CDH13: variants seen among roughly 807,000 people sequenced by gnomAD.
The protein encoded by CDH13 is cadherin-13.
Under a neutral mutation model 63.8 loss-of-function variants are expected in CDH13, and 24 were observed. The observed-to-expected ratio is 0.38, with a 90% CI of 0.27 to 0.53. The LOEUF (loss-of-function observed/expected upper bound fraction) is 0.53. CDH13 is among the 20% of genes least tolerant of loss of function. The probability of loss-of-function intolerance (pLI) is 0.85; values close to 1 mark genes in which losing one functional copy is unlikely to be tolerated. For missense variants in CDH13, 1,049 were observed against 903.1 expected, an observed-to-expected ratio of 1.16 and a Z score of -2.07; for synonymous variants, 503 against 355.3, an observed-to-expected ratio of 1.42 and a Z score of -4.67.
At chr16:83,720,589 A>G (rs934128609) in intron 10 of CDH13, among the ~76,000 whole-genome samples, 1 of 152,174 alleles carries the variant, frequency 6.6e-6, no homozygotes, top group African/African-American at 2.4e-5. Flanking sequence ...TCTTTAAAAA[A>G]AAAAGACACA....
At chr16:83,293,453 G>A (rs753140200) in intron 5 of CDH13, among the ~76,000 whole-genome samples, 5 of 152,064 alleles carry the variant, frequency 3.3e-5, no homozygotes, top group Admixed American at 6.6e-5. Context: ...TCTGGGAAAG[G>A]TCAATTGTTT....
intron 6 of CDH13, among the ~76,000 whole-genome samples, chr16:83,414,228 G>T (rs1053487996): frequency 1.3e-5 from 2 of 152,090 alleles, no homozygotes; most frequent in Non-Finnish European, 2.9e-5. Flanking sequence ...TTTTCTTGAG[G>T]ATCTTTTTGT....
At chr16:83,222,998 C>T (rs942630487) in intron 5 of CDH13, among the ~76,000 whole-genome samples, 1 of 152,122 alleles carries the variant, frequency 6.6e-6, no homozygotes, top group African/African-American at 2.4e-5. Flanking sequence ...CACCACCCCC[C>T]ACCCACACAC....
At chr16:83,169,508 A>G (rs1306351683) in intron 4 of CDH13, among the ~76,000 whole-genome samples, 1 of 151,944 alleles carries the variant, frequency 6.6e-6, no homozygotes, top group African/African-American at 2.4e-5. Flanking sequence ...GATTGATGAA[A>G]ATGATAAGGT....
intron 7 of CDH13, among the ~76,000 whole-genome samples, chr16:83,538,239 C>G (rs1274662760): frequency 3.3e-5 from 5 of 152,156 alleles, no homozygotes; most frequent in African/African-American, 4.8e-5. Flanking sequence ...GGATTGTGCA[C>G]AAATACATTT....
chr16:83,237,434 C>G (rs974862543), intron 5 of CDH13, among the ~76,000 whole-genome samples: 2 of 152,248 alleles, frequency 1.3e-5, no homozygotes, highest in Non-Finnish European at 2.9e-5. Flanking sequence ...ATAGACCTCT[C>G]TGCAATGATA....
chr16:83,051,188 C>G (rs949230422), intron 3 of CDH13, among the ~76,000 whole-genome samples: 2 of 152,194 alleles, frequency 1.3e-5, no homozygotes, highest in South Asian at 4.1e-4. Flanking sequence ...TGAGCCACAA[C>G]GAAATGAGTC....
intron 6 of CDH13, among the ~76,000 whole-genome samples, chr16:83,388,255 TG>T (rs1252832399): frequency 2.1e-5 from 3 of 146,174 alleles, no homozygotes; most frequent in African/African-American, 7.7e-5. Context: ...GAGACCAGCC[TG>T]GGCAACATGG....
rs544229711 is a variant in CDH13, at chr16:82,736,795, C to T, written c.45+109658C>T. 6.6e-5 allele frequency among the ~76,000 whole-genome samples: 10 copies of T among 152,306 alleles called. No homozygotes were observed. In the South Asian group the frequency reaches 8.3e-4, roughly 13 times the overall value. On this transcript the variant is annotated intron_variant, in intron 1 of 13. Coordinates refer to ENST00000567109, the MANE Select transcript of CDH13 (RefSeq NM_001257.5). ...TCCTTCGGGCAATTTGATCTGCTATCTTTTCCCACCACTTTAAGAGAAGGA... is the reference window on the plus strand; with the variant it reads ...TCCTTCGGGCAATTTGATCTGCTATTTTTTCCCACCACTTTAAGAGAAGGA...
At chr16:83,580,476 C>G (rs1245646633) in intron 7 of CDH13, among the ~76,000 whole-genome samples, 2 of 109,612 alleles carry the variant, frequency 1.8e-5, no homozygotes, top group Admixed American at 1.8e-4. Context: ...CTCTCTCTCT[C>G]TCTCTCTCTC....
intron 1 of CDH13, among the ~76,000 whole-genome samples, chr16:82,677,241 CCTTTGT>C (rs1914033673): frequency 1.3e-5 from 2 of 152,294 alleles, no homozygotes; most frequent in East Asian, 3.9e-4. Context: ...ACTCATTCAT[CCTTTGT>C]ATTTCAGGTC....
chr16:83,395,616 C>T (rs764491148), intron 6 of CDH13, among the ~76,000 whole-genome samples: 11 of 152,216 alleles, frequency 7.2e-5, no homozygotes, highest in South Asian at 2.1e-4. Flanking sequence ...TTTCCTTCAG[C>T]CTGGTCATTG....
At chr16:83,154,806 A>G (rs1206193667) in intron 4 of CDH13, among the ~76,000 whole-genome samples, 2 of 152,112 alleles carry the variant, frequency 1.3e-5, no homozygotes, top group African/African-American at 4.8e-5. Context: ...TGTGTTCTAT[A>G]TTTTCTGTAA....
intron 1 of CDH13, among the ~76,000 whole-genome samples, chr16:82,844,948 C>T (rs893568716): frequency 1.3e-5 from 2 of 152,014 alleles, no homozygotes; most frequent in African/African-American, 4.8e-5. Context: ...AGGCACCGCA[C>T]CTGGCCAATA....
intron 1 of CDH13, among the ~76,000 whole-genome samples, chr16:82,678,036 T>C (rs1914128502): frequency 1.3e-5 from 2 of 152,168 alleles, no homozygotes; most frequent in South Asian, 4.1e-4. Context: ...TAAGAAGCAT[T>C]GCACAGAAGG....
intron 3 of CDH13, among the ~76,000 whole-genome samples, chr16:83,123,563 GC>G (rs1222018620): frequency 6.6e-6 from 1 of 152,178 alleles, no homozygotes; most frequent in Non-Finnish European, 1.5e-5. Flanking sequence ...ACAGGCGTGA[GC>G]CACTGCATCT....
At chr16:83,372,032 G>A (rs914054408) in intron 6 of CDH13, among the ~76,000 whole-genome samples, 10 of 152,234 alleles carry the variant, frequency 6.6e-5, no homozygotes, top group African/African-American at 2.4e-4. Flanking sequence ...GTAAGTGGGT[G>A]TTCACGAGAT....
chr16:82,737,955 G>C (rs1001281573), intron 1 of CDH13, among the ~76,000 whole-genome samples: 3 of 152,146 alleles, frequency 2.0e-5, no homozygotes, highest in Admixed American at 6.5e-5. Flanking sequence ...TCCAGTGTTT[G>C]TTGATTTGTT....
At chr16:83,064,053 A>G (rs1374018508) in intron 3 of CDH13, among the ~76,000 whole-genome samples, 1 of 152,128 alleles carries the variant, frequency 6.6e-6, no homozygotes, top group East Asian at 1.9e-4. Flanking sequence ...AGCTAAAAAT[A>G]TACACTCTGG....
Sources: allele counts gnomAD v4.1 joint callset (sites outside exome capture counted in the v4.1 genomes callset), GRCh38; gene constraint gnomAD v4.1.1; transcripts MANE v1.5; gene names NCBI Gene and HGNC (gene_info 2026-07-23, HGNC 2026-07-21).